The following GON4L variants were observed in gnomAD, a reference collection of about 807,000 sequenced individuals.
GON4L encodes the protein GON-4-like protein.
In GON4L, 87 loss-of-function variants were observed where a neutral mutation model predicts 211.8. The ratio of observed to expected loss-of-function variants is 0.41; its 90% CI spans 0.35 to 0.49. The LOEUF is 0.49. Among genes scored for constraint, GON4L ranks in the 20% least tolerant of loss-of-function variants. The pLI, the probability that GON4L is intolerant of heterozygous loss-of-function variation, is 0.15. For synonymous variants in GON4L, 875 were observed against 962.6 expected (o/e 0.91, Z 1.68); for missense variants, 2,155 against 2,659.5 (o/e 0.81, Z 4.17).
intron 11 of GON4L, among the ~76,000 whole-genome samples, chr1:155,797,108 A>G (rs1024506741): frequency 6.6e-6 from 1 of 151,840 alleles, no homozygotes; most frequent in African/African-American, 2.4e-5. Context: ...CCCTCCCACA[A>G]TATTTTTTTT....
At chr1:155,770,168 T>C (rs1300045635) in intron 19 of GON4L, among the ~76,000 whole-genome samples, 2 of 151,542 alleles carry the variant, frequency 1.3e-5, no homozygotes, top group Non-Finnish European at 2.9e-5. Flanking sequence ...GCTATGACTG[T>C]ACCACTGTAC....
intron 12 of GON4L, among the ~76,000 whole-genome samples, chr1:155,789,043 C>T (rs1665248952): frequency 6.6e-6 from 1 of 150,378 alleles, no homozygotes; most frequent in South Asian, 2.1e-4. Flanking sequence ...TGAGCCGCAC[C>T]ACTGCACTCC....
In GON4L at chr1:155,753,340, A is replaced by G; in HGVS notation, c.5706T>C (p.Ser1902=). The G allele has an allele frequency of 6.2e-7, 1 of 1,611,692 alleles. No homozygotes were observed. Among genetic ancestry groups the G allele is most frequent in the South Asian group, 1.1e-5 (1 of 91,000 alleles). The change falls in exon 29 of 32, where the codon AGT becomes AGC. Residue 1902 remains serine (S), a synonymous_variant. Transcript: ENST00000368331. ...LVGSSPHREA[S]PMPGAKEAGQ... is the part of the protein sequence containing the mutation. ...CAGCTTCCTTAGCACCAGGCATAGG[A>G]CTAGCCTCTCGGTGGGGGCTGCTGC...
chr1:155,748,704 C>T (rs1660350535), downstream of GON4L: 5 of 1,614,070 alleles, frequency 3.1e-6, no homozygotes, highest in Admixed American at 1.7e-5. Flanking sequence ...ATGGACCCCA[C>T]TGTCTGCATG....
At chr1:155,856,272 G>A (rs1350475178) in intron 1 of GON4L, among the ~76,000 whole-genome samples, 1 of 152,030 alleles carries the variant, frequency 6.6e-6, no homozygotes, top group Non-Finnish European at 1.5e-5. Flanking sequence ...CTGTTGCCCA[G>A]ACCGGAGTGC....
At chr1:155,800,942 G>C (rs1480884397) in intron 11 of GON4L, among the ~76,000 whole-genome samples, 1 of 151,370 alleles carries the variant, frequency 6.6e-6, no homozygotes, top group Non-Finnish European at 1.5e-5. Flanking sequence ...TCTACTCCTA[G>C]GAGTATAACA....
At chr1:155,790,078 A>G (rs775410115) in intron 12 of GON4L, among the ~76,000 whole-genome samples, 1 of 151,976 alleles carries the variant, frequency 6.6e-6, no homozygotes, top group Non-Finnish European at 1.5e-5. Context: ...AGCTGGGACT[A>G]CAAGCACACA....
downstream of GON4L, chr1:155,748,736 T>A (rs1409399549): frequency 6.2e-7 from 1 of 1,614,030 alleles, no homozygotes; most frequent in Non-Finnish European, 8.5e-7. Flanking sequence ...CTGGAACACG[T>A]TGCTTTGCCC....
At chr1:155,784,795 A>G (rs759975062) in intron 13 of GON4L, 2 of 197,002 alleles carry the variant, frequency 1.0e-5, no homozygotes, top group Non-Finnish European at 2.1e-5. Flanking sequence ...AGGACACACC[A>G]AATGACAGTA....
At chr1:155,822,612 TTA>T (rs1484664930) in intron 3 of GON4L, 136 bp from the exon 4 acceptor site, 1 of 714,910 alleles carries the variant, frequency 1.4e-6, no homozygotes, top group Non-Finnish European at 2.5e-6. Context: ...AGGACACATA[TTA>T]TATGACGGTA....
chr1:155,749,258 GA>G, downstream of GON4L: 2 of 1,577,358 alleles, frequency 1.3e-6, no homozygotes, highest in South Asian at 1.2e-5. Context: ...GTCTCAAAAA[GA>G]AAAAGAATTC....
downstream of GON4L, chr1:155,746,080 G>A (rs747785044): frequency 1.3e-5 from 10 of 791,848 alleles, no homozygotes; most frequent in Admixed American, 2.6e-4. Context: ...GTATCGTACG[G>A]GCCGGACGCT....
In GON4L at chr1:155,785,046, G is replaced by A. The variant is rs542519621; in HGVS notation, c.1788+288C>T. The stretch of plus-strand genomic sequence containing the variant: ...GCCTAGAAGGTCAAGGCTGCTGTGA[G>A]CTGTAATTTCACCACTGCACTCTGG... On this transcript the variant is annotated intron_variant, in intron 13 of 31. Coordinates refer to ENST00000368331, the MANE Select transcript of GON4L (RefSeq NM_001282860.2). The A allele has an allele frequency of 2.8e-4, 127 of 452,580 alleles. 2 individuals carry two copies. The highest frequency in any genetic ancestry group is 2.4e-3 in the South Asian group (123 of 51,506). The allele number at this position is 452,580 out of a possible 1,614,324, so 28.0% of individuals were successfully genotyped here. A position where few individuals can be genotyped will look rare whatever the true frequency, so the allele number is the denominator to read the frequency against.
At chr1:155,745,598 C>G (rs187306636), downstream of GON4L, among the ~76,000 whole-genome samples, 247 of 152,370 alleles carry the variant, frequency 1.6e-3, 1 homozygote, top group African/African-American at 4.8e-3. Flanking sequence ...GCAGGAGCAA[C>G]GGCGTGGCCC....
chr1:155,750,459 C>G lies in GON4L; in HGVS notation c.*125G>C. 1 of 654,204 alleles carries G rather than the reference C, an allele frequency of 1.5e-6. No homozygotes were observed. The highest frequency in any genetic ancestry group is 2.8e-6 in the Non-Finnish European group (1 of 357,720). 40.5% of individuals were successfully genotyped at this position (654,204 alleles called of 1,614,324 possible). A position where few individuals can be genotyped will look rare whatever the true frequency, so the allele number is the denominator to read the frequency against. ...TCCATCCTCCAGCCTTTGTCCTTGT[C>G]CTGGCCTCCTGCTCTCCAGATCTGT... On this transcript the variant is annotated 3_prime_UTR_variant, in exon 32 of 32. Coordinates refer to ENST00000368331, the MANE Select transcript of GON4L (RefSeq NM_001282860.2).
chr1:155,838,646 A>C (rs1030881299), intron 2 of GON4L, among the ~76,000 whole-genome samples: 2 of 151,852 alleles, frequency 1.3e-5, no homozygotes, highest in African/African-American at 4.8e-5. Context: ...GTGGTGGTGC[A>C]TGCATCCCAG....
chr1:155,837,083 G>A (rs748928660), intron 2 of GON4L, among the ~76,000 whole-genome samples: 5 of 152,108 alleles, frequency 3.3e-5, no homozygotes, highest in South Asian at 2.1e-4. Flanking sequence ...ATTTGGTGCC[G>A]TTTCATTTTT....
In GON4L at chr1:155,766,515, G is replaced by C. The variant is rs758698773; in HGVS notation, c.2958C>G (p.Thr986=). 1.9e-6 allele frequency: 3 copies of C among 1,614,066 alleles called. No individual in the cohort carries two copies. In the South Asian group the frequency reaches 3.3e-5, roughly 18 times the overall value. ...GTCTCCAAGCCTTCCTGGGGAAACG[G>C]GTGGCAACTGGCTTCAGTTTCAGGA... ...GVVLKLKPVA[T]RFPRKAWRQK... The change falls in exon 21 of 32, where the codon ACC becomes ACG. Residue 986 remains threonine, a synonymous_variant. Coordinates refer to ENST00000368331, the MANE Select transcript of GON4L (RefSeq NM_001282860.2).
chr1:155,797,947 G>A (rs1382941021), intron 11 of GON4L, among the ~76,000 whole-genome samples: 1 of 151,382 alleles, frequency 6.6e-6, no homozygotes, highest in African/African-American at 2.4e-5. Context: ...CAAGTGTCGT[G>A]GTGTGTGCCT....
Sources: gnomAD v4.1 joint callset for allele counts (sites outside exome capture counted in the v4.1 genomes callset) on GRCh38, gnomAD v4.1.1 for gene constraint, MANE v1.5 for transcripts, NCBI Gene and HGNC (gene_info 2026-07-23, HGNC 2026-07-21) for gene names.